PLEKHG5: variants seen among roughly 807,000 people sequenced by gnomAD.
PLEKHG5 encodes the protein pleckstrin homology domain-containing family G member 5.
In PLEKHG5, 52 loss-of-function variants were observed where a neutral mutation model predicts 103.8. That is an observed-to-expected ratio of 0.50 (90% CI 0.40 to 0.63). The LOEUF is 0.63. Ranked by LOEUF, PLEKHG5 falls within the 30% of genes least tolerant of loss-of-function variation. The probability of loss-of-function intolerance (pLI) is 0.00; values close to 1 mark genes in which losing one functional copy is unlikely to be tolerated. For synonymous variants in PLEKHG5, 592 were observed against 575.5 expected (o/e 1.03, Z -0.41); for missense variants, 1,205 against 1,347.6 (o/e 0.89, Z 1.66).
chr1:6,486,149 A>C lies in PLEKHG5; in HGVS notation c.-88+5488T>G, dbSNP rs1426803335. ...TCCTCCCTTCCTCCTGGAGACCCCC[A>C]CCCCCGCCTCGGAGCCTCAGCCCAG... On this transcript the variant is annotated intron_variant, in intron 1 of 20. Transcript: ENST00000377728. The surrounding 1 kb of genome is among the most constrained non-coding windows in gnomAD (Gnocchi z 5.3). 8.5e-5 allele frequency among the ~76,000 whole-genome samples: 12 copies of C among 141,968 alleles called. No individual in the cohort carries two copies. The highest frequency in any genetic ancestry group is 4.6e-4 in the South Asian group (2 of 4,332). 93.1% of individuals were successfully genotyped at this position (141,968 alleles called of 152,430 possible). A position where few individuals can be genotyped will look rare whatever the true frequency, so the allele number is the denominator to read the frequency against.
chr1:6,475,386 C>T (rs1191732164), intron 4 of PLEKHG5, 76 bp downstream of exon 4: 7 of 1,318,100 alleles, frequency 5.3e-6, no homozygotes, highest in African/African-American at 2.9e-5. Flanking sequence ...ACCCCCATCC[C>T]GGAGGAAGGC....
At position 6,470,646 on chromosome 1, in the gene PLEKHG5, A is replaced by AG; in HGVS notation, c.1543-4dup. The AG allele has an allele frequency of 6.4e-7, 1 of 1,567,976 alleles. No individual in the cohort carries two copies. The highest frequency in any genetic ancestry group is 8.6e-7 in the Non-Finnish European group (1 of 1,162,240). ...ATGAAGCGCTCCACGGAGCCGATCTAGGGGCAGGTGAGGGAGCTTCAGGTC... is the reference window on the plus strand; with the variant it reads ...ATGAAGCGCTCCACGGAGCCGATCTAGGGGGCAGGTGAGGGAGCTTCAGGTC... On this transcript the variant is annotated splice_polypyrimidine_tract_variant and splice_region_variant and intron_variant, in intron 14 of 20. Transcript: ENST00000377728.
intron 1 of PLEKHG5, among the ~76,000 whole-genome samples, chr1:6,516,902 A>G (rs1638639748): frequency 9.2e-6 from 1 of 108,278 alleles, no homozygotes; most frequent in Admixed American, 9.8e-5. Flanking sequence ...ATATATATAT[A>G]TATACACACA....
At chr1:6,485,724 G>C in intron 1 of PLEKHG5, 1 of 230,184 alleles carries the variant, frequency 4.3e-6, no homozygotes, top group Non-Finnish European at 6.6e-6. Flanking sequence ...GCCCAGACCC[G>C]GGGACTCCAC....
intron 1 of PLEKHG5, among the ~76,000 whole-genome samples, chr1:6,502,725 C>G (rs905201113): frequency 6.6e-6 from 1 of 152,240 alleles, no homozygotes; most frequent in Non-Finnish European, 1.5e-5. Flanking sequence ...GCCAGTCCCA[C>G]CCCCATCACA....
chr1:6,474,193 A>T, intron 6 of PLEKHG5, 29 bp from the exon 7 acceptor site: 2 of 1,612,398 alleles, frequency 1.2e-6, no homozygotes, highest in Non-Finnish European at 1.7e-6. Flanking sequence ...AGAGATCCTC[A>T]GTACCCTGGT....
intron 1 of PLEKHG5, among the ~76,000 whole-genome samples, chr1:6,483,044 C>CATGG (rs1419980113): frequency 6.6e-6 from 1 of 152,248 alleles, no homozygotes; most frequent in African/African-American, 2.4e-5. Flanking sequence ...CACGCCCTCT[C>CATGG]ATGGGTGTCT....
At position 6,470,291 on chromosome 1, in the gene PLEKHG5, G is replaced by A. The variant is rs755039256; in HGVS notation, c.1745C>T (p.Thr582Met). The change falls in exon 16 of 21, where the codon ACG becomes ATG. Residue 582 changes from threonine (T) to methionine (M), a missense_variant. Coordinates refer to ENST00000377728, the MANE Select transcript of PLEKHG5 (RefSeq NM_020631.6). ...APIPGASPEE[T>M]RQLLLEGSLR... is the part of the protein sequence containing the mutation. The stretch of plus-strand genomic sequence containing the variant: ...GCTCCCCTCCAGCAGCAGCTGCCGC[G>A]TCTCCTCCGGGGAGGCGCCAGGGAT... 1 of 1,613,946 alleles carries A rather than the reference G, an allele frequency of 6.2e-7. No individual in the cohort carries two copies. The highest frequency in any genetic ancestry group is 8.5e-7 in the Non-Finnish European group (1 of 1,179,970).
upstream of PLEKHG5, among the ~76,000 whole-genome samples, chr1:6,500,837 C>T (rs948957242): frequency 4.6e-5 from 7 of 152,206 alleles, no homozygotes; most frequent in East Asian, 1.9e-4. Context: ...CACCTCCCGT[C>T]GCAGGGAGAC....
intron 1 of PLEKHG5, among the ~76,000 whole-genome samples, chr1:6,480,256 C>T (rs1283792229): frequency 6.6e-6 from 1 of 151,958 alleles, no homozygotes; most frequent in Non-Finnish European, 1.5e-5. Context: ...TTGCCAGGCA[C>T]GGTGGCTCAT....
chr1:6,471,261 C>A, intron 12 of PLEKHG5, 161 bp from the exon 13 acceptor site: 2 of 792,960 alleles, frequency 2.5e-6, no homozygotes, highest in Non-Finnish European at 2.1e-6. Flanking sequence ...AACTGAGCCT[C>A]AGCCAAAGTG....
intron 1 of PLEKHG5, among the ~76,000 whole-genome samples, chr1:6,508,055 G>C (rs1638371829): frequency 6.6e-6 from 1 of 152,126 alleles, no homozygotes; most frequent in Non-Finnish European, 1.5e-5. Flanking sequence ...GGCTTGGTGG[G>C]AGCCACACCT....
chr1:6,473,823 C>T (rs1040771621), intron 7 of PLEKHG5, among the ~76,000 whole-genome samples, 190 bp downstream of exon 7: 4 of 152,180 alleles, frequency 2.6e-5, no homozygotes, highest in African/African-American at 9.7e-5. Flanking sequence ...AAGCCCTCAC[C>T]TTGGGCTATG....
chr1:6,474,928 G>A (rs960142366), intron 5 of PLEKHG5, 119 bp downstream of exon 5: 16 of 794,672 alleles, frequency 2.0e-5, no homozygotes, highest in South Asian at 5.4e-5. Context: ...GCAGGGATGC[G>A]CTCGCTCACG....
Position 6,473,451 on chromosome 1 carries a change from G to A in PLEKHG5, c.595C>T (p.Pro199Ser), listed in dbSNP as rs1157862488. The change falls in exon 8 of 21, where the codon CCT becomes TCT. Residue 199 changes from proline (P) to serine (S), a missense_variant. Pro to Ser is a moderately conservative substitution (Grantham distance 74). Transcript: ENST00000377728. The stretch of plus-strand genomic sequence containing the variant: ...GACATGTTCTTGCGGCGGCGGCCAG[G>A]GGCCTGGTCAGGGAAGGGTGGTCAG... ...SRRESLDILAPGRRRKNMSEF... is the reference protein window; with the variant it reads ...SRRESLDILASGRRRKNMSEF... 6.5e-7 allele frequency: 1 copy of A among 1,528,536 alleles called. No homozygotes were observed. Among genetic ancestry groups the A allele is most frequent in the Non-Finnish European group, 8.8e-7 (1 of 1,138,546 alleles). 94.7% of individuals were successfully genotyped at this position (1,528,536 alleles called of 1,614,324 possible).
At chr1:6,468,944 G>T in intron 19 of PLEKHG5, 98 bp downstream of exon 19, 1 of 1,021,346 alleles carries the variant, frequency 9.8e-7, no homozygotes, top group South Asian at 1.3e-5. Flanking sequence ...CATGACAAGA[G>T]GCCATTGGGA....
intron 7 of PLEKHG5, 85 bp downstream of exon 7, chr1:6,473,928 C>A: frequency 7.5e-7 from 1 of 1,335,450 alleles, no homozygotes; most frequent in Non-Finnish European, 1.0e-6. Flanking sequence ...GTGAGAGACC[C>A]AGGGTGACTG....
At position 6,487,600 on chromosome 1, in the gene PLEKHG5, A is replaced by G. The variant is rs1645065732; in HGVS notation, c.-88+4037T>C. Among the ~76,000 whole-genome samples, 1 of 151,720 alleles carries G rather than the reference A, an allele frequency of 6.6e-6. No homozygotes were observed. The highest frequency in any genetic ancestry group is 2.4e-5 in the African/African-American group (1 of 41,242). The stretch of plus-strand genomic sequence containing the variant: ...GTATTTTCTGTCTGGAATTCCACGC[A>G]CCCTATCTTGAAACAGCTGACACCG... On this transcript the variant is annotated intron_variant, in intron 1 of 20. Transcript: ENST00000377728. This position sits in a 1 kb window ranked among gnomAD's most constrained non-coding sequence, Gnocchi z 4.1.
upstream of PLEKHG5, among the ~76,000 whole-genome samples, chr1:6,500,172 C>T (rs897910524): frequency 2.6e-5 from 4 of 152,142 alleles, no homozygotes; most frequent in African/African-American, 4.8e-5. Context: ...AACATGATTC[C>T]GATCCCCTTC....
Sources: gnomAD v4.1 joint callset for allele counts (sites outside exome capture counted in the v4.1 genomes callset) on GRCh38, gnomAD v4.1.1 for gene constraint, Gnocchi (gnomAD v3.1) non-coding constraint, MANE v1.5 for transcripts, NCBI Gene and HGNC (gene_info 2026-07-23, HGNC 2026-07-21) for gene names.